Variants in ARHGAP6 observed in about 807,000 individuals in gnomAD.
The protein encoded by ARHGAP6 is rho GTPase-activating protein 6.
Under a neutral mutation model 55.7 loss-of-function variants are expected in ARHGAP6, and 16 were observed. That is an observed-to-expected ratio of 0.29 (90% CI 0.19 to 0.44). The LOEUF is 0.44. ARHGAP6 is among the 20% of genes least tolerant of loss of function. The probability of loss-of-function intolerance (pLI) is 1.00; values close to 1 mark genes in which losing one functional copy is unlikely to be tolerated. For synonymous variants in ARHGAP6, 382 were observed against 360.9 expected (o/e 1.06, Z -0.66); for missense variants, 698 against 808.9 (o/e 0.86, Z 1.66).
At chrX:11,426,852 G>A (rs140282200) in intron 1 of ARHGAP6, among the ~76,000 whole-genome samples, 51 of 109,861 alleles carry the variant, frequency 4.6e-4, no homozygotes, top group Middle Eastern at 4.6e-3. Flanking sequence ...TCTCTCTGTT[G>A]TGTTTCCTGC....
chrX:11,249,861 CT>C (rs2047400440), intron 2 of ARHGAP6, among the ~76,000 whole-genome samples: 1 of 111,234 alleles, frequency 9.0e-6, no homozygotes, highest in Non-Finnish European at 1.9e-5. Context: ...TTTATGTTTT[CT>C]GGGTAGGCCT....
At chrX:11,252,983 C>G (rs1361153010) in intron 2 of ARHGAP6, among the ~76,000 whole-genome samples, 1 of 112,023 alleles carries the variant, frequency 8.9e-6, no homozygotes, top group Non-Finnish European at 1.9e-5. Flanking sequence ...ACCTCCAAGC[C>G]AGCATTCTTT....
At chrX:11,318,780 G>T (rs2048391214) in intron 1 of ARHGAP6, 1 of 113,289 alleles carries the variant, frequency 8.8e-6, no homozygotes, top group African/African-American at 3.2e-5. Context: ...GATATTGTTG[G>T]CTTCAAAATC....
intron 1 of ARHGAP6, among the ~76,000 whole-genome samples, chrX:11,567,384 C>G (rs1328731221): frequency 2.8e-5 from 3 of 108,147 alleles, no homozygotes; most frequent in Non-Finnish European, 5.7e-5. Context: ...AACCCCGTCT[C>G]TACTAAAAAT....
intron 1 of ARHGAP6, among the ~76,000 whole-genome samples, chrX:11,566,315 C>T (rs927370665): frequency 8.9e-6 from 1 of 111,885 alleles, no homozygotes; most frequent in African/African-American, 3.2e-5. Flanking sequence ...TTTACTCTTT[C>T]CATTACATGA....
At chrX:11,281,766 CT>C (rs1222527629) in intron 1 of ARHGAP6, among the ~76,000 whole-genome samples, 2 of 111,580 alleles carry the variant, frequency 1.8e-5, no homozygotes, top group African/African-American at 6.5e-5. Flanking sequence ...TTGACACTGC[CT>C]AATGAATTTT....
At chrX:11,528,448 G>A (rs2051013640) in intron 1 of ARHGAP6, among the ~76,000 whole-genome samples, 1 of 111,922 alleles carries the variant, frequency 8.9e-6, no homozygotes, top group Non-Finnish European at 1.9e-5. Flanking sequence ...CCCAGATGCT[G>A]TGTAGATTCT....
intron 1 of ARHGAP6, among the ~76,000 whole-genome samples, chrX:11,342,121 G>T (rs2048714579): frequency 8.9e-6 from 1 of 111,986 alleles, no homozygotes; most frequent in African/African-American, 3.2e-5. Flanking sequence ...TGCCATGCAC[G>T]CATAAGTAAT....
At chrX:11,507,450 C>G (rs1964236199) in intron 1 of ARHGAP6, among the ~76,000 whole-genome samples, 1 of 111,637 alleles carries the variant, frequency 9.0e-6, no homozygotes, top group South Asian at 3.8e-4. Context: ...TCAGGGGCCT[C>G]TACTGTTTCT....
intron 1 of ARHGAP6, among the ~76,000 whole-genome samples, chrX:11,345,012 A>C (rs1244856441): frequency 8.9e-6 from 1 of 112,549 alleles, no homozygotes; most frequent in African/African-American, 3.2e-5. Context: ...CAAAGTTGCC[A>C]TTGAAATTGA....
At chrX:11,367,895 C>A in intron 1 of ARHGAP6, 1 of 524,318 alleles carries the variant, frequency 1.9e-6, no homozygotes, top group Non-Finnish European at 2.3e-6. Flanking sequence ...TTCTTGCCCT[C>A]TCCTTCCTGG....
chrX:11,355,113 G>A (rs766818182), intron 1 of ARHGAP6, among the ~76,000 whole-genome samples: 4 of 111,751 alleles, frequency 3.6e-5, no homozygotes, highest in South Asian at 7.6e-4. Flanking sequence ...GCCAACAATT[G>A]TCCGATAAGC....
intron 1 of ARHGAP6, among the ~76,000 whole-genome samples, chrX:11,656,304 T>C (rs1452178110): frequency 8.9e-6 from 1 of 112,488 alleles, no homozygotes; most frequent in Non-Finnish European, 1.9e-5. Context: ...TCTTTTTGTT[T>C]GGCAAATGCC....
At chrX:11,493,835 C>CTT (rs35315280) in intron 1 of ARHGAP6, among the ~76,000 whole-genome samples, 1,164 of 88,353 alleles carry the variant, frequency 0.013, 57 homozygotes, top group Admixed American at 0.095. Context: ...AACAGAATGC[C>CTT]TTTTTTTTTT....
chrX:11,420,154 A>G (rs1209391474), intron 1 of ARHGAP6, among the ~76,000 whole-genome samples: 1 of 111,851 alleles, frequency 8.9e-6, no homozygotes, highest in African/African-American at 3.3e-5. Context: ...CTTGTATTGA[A>G]AAGTATCCCA....
At chrX:11,519,820 T>C (rs1463480241) in intron 1 of ARHGAP6, among the ~76,000 whole-genome samples, 1 of 106,320 alleles carries the variant, frequency 9.4e-6, no homozygotes, top group Admixed American at 1.0e-4. Context: ...TCCTTACACC[T>C]TACACAAAAA....
At chrX:11,231,985 G>T (rs1302764617) in intron 2 of ARHGAP6, among the ~76,000 whole-genome samples, 1 of 111,806 alleles carries the variant, frequency 8.9e-6, no homozygotes, top group East Asian at 2.8e-4. Context: ...ATATATAATA[G>T]TTGTAAATAT....
chrX:11,458,626 GGTTTT>G (rs1304195206), intron 1 of ARHGAP6, among the ~76,000 whole-genome samples: 5 of 111,741 alleles, frequency 4.5e-5, no homozygotes, highest in East Asian at 2.8e-4. Context: ...TACATCTCAT[GGTTTT>G]GTTTTAAGAG....
chrX:11,463,059 T>C (rs924179926), intron 1 of ARHGAP6, among the ~76,000 whole-genome samples: 2 of 112,449 alleles, frequency 1.8e-5, no homozygotes, highest in Non-Finnish European at 3.8e-5. Flanking sequence ...GTGTCTCCCA[T>C]TAGCATTGGT....
Sources: gnomAD v4.1 joint callset for allele counts (sites outside exome capture counted in the v4.1 genomes callset) on GRCh38, gnomAD v4.1.1 for gene constraint, MANE v1.5 for transcripts, NCBI Gene and HGNC (gene_info 2026-07-23, HGNC 2026-07-21) for gene names.